Variants in KIF4A observed in about 807,000 individuals in gnomAD.
KIF4A encodes kinesin family member 4A.
KIF4A carries 7 observed loss-of-function variants against 105.9 expected under a neutral mutation model. That is an observed-to-expected ratio of 0.07 (90% CI 0.04 to 0.12). The LOEUF (loss-of-function observed/expected upper bound fraction) is 0.12. Among genes scored for constraint, KIF4A ranks in the 10% least tolerant of loss-of-function variants. The probability of loss-of-function intolerance (pLI) is 1.00; values close to 1 mark genes in which losing one functional copy is unlikely to be tolerated. For missense variants in KIF4A, 558 were observed against 929.2 expected, an observed-to-expected ratio of 0.60 and a Z score of 5.19; for synonymous variants, 281 against 331.3, an observed-to-expected ratio of 0.85 and a Z score of 1.65.
At chrX:70,295,296 C>A (rs2085777387) in intron 3 of KIF4A, among the ~76,000 whole-genome samples, 1 of 109,914 alleles carries the variant, frequency 9.1e-6, no homozygotes, top group African/African-American at 3.3e-5. Context: ...CTGCCTCAGC[C>A]TCCCGAGTAG....
chrX:70,409,795 A>C (rs1461031317), intron 28 of KIF4A, among the ~76,000 whole-genome samples: 1 of 81,909 alleles, frequency 1.2e-5, no homozygotes, highest in African/African-American at 4.6e-5. Context: ...AGACTGTCTC[A>C]AAAAAAAAAA....
chrX:70,387,137 T>A (rs1245846770), intron 19 of KIF4A, 47 bp from the exon 20 acceptor site: 1 of 888,196 alleles, frequency 1.1e-6, no homozygotes, highest in Admixed American at 3.1e-5. Flanking sequence ...ATTGGATTTT[T>A]TTTTTTTACC....
At chrX:70,375,392 A>C in intron 17 of KIF4A, 44 bp downstream of exon 17, 1 of 1,146,369 alleles carries the variant, frequency 8.7e-7, no homozygotes, top group Non-Finnish European at 1.2e-6. Flanking sequence ...TGGAATTTAC[A>C]AACATAGGTA....
At chrX:70,359,992 G>A (rs1476287368) in intron 15 of KIF4A, among the ~76,000 whole-genome samples, 1 of 111,351 alleles carries the variant, frequency 9.0e-6, no homozygotes, top group African/African-American at 3.3e-5. Flanking sequence ...AGGTGCTTGG[G>A]CTGGGGTCCT....
intron 2 of KIF4A, 46 bp downstream of exon 2, chrX:70,290,624 A>G (rs1408419482): frequency 8.3e-7 from 1 of 1,207,813 alleles, no homozygotes; most frequent in Non-Finnish European, 1.1e-6. Context: ...CTGGGGCCAA[A>G]TGGTAACGAG....
intron 3 of KIF4A, among the ~76,000 whole-genome samples, chrX:70,293,070 C>T (rs2085767363): frequency 8.9e-6 from 1 of 112,018 alleles, no homozygotes; most frequent in South Asian, 3.7e-4. Flanking sequence ...TGTGGTATTG[C>T]AGAAAATTAT....
chrX:70,328,611 G>A (rs1194506055), intron 7 of KIF4A, among the ~76,000 whole-genome samples: 1 of 111,717 alleles, frequency 9.0e-6, no homozygotes, highest in African/African-American at 3.3e-5. Flanking sequence ...CAATAAGGTA[G>A]GTAGATTTGC....
chrX:70,368,642 G>A (rs2147715758), intron 15 of KIF4A, among the ~76,000 whole-genome samples: 1 of 111,913 alleles, frequency 8.9e-6, no homozygotes, highest in South Asian at 3.8e-4. Flanking sequence ...GGCCGTGTGA[G>A]GTGTCAGTCT....
In KIF4A at chrX:70,329,449, A is replaced by G. The variant is rs1164009052; in HGVS notation, c.823A>G (p.Ser275Gly). 5 of 1,211,404 alleles carry G rather than the reference A, an allele frequency of 4.1e-6. No homozygotes were observed. Among genetic ancestry groups the G allele is most frequent in the Non-Finnish European group, 5.6e-6 (5 of 895,227 alleles). ...RGLLCLGNVI[S>G]ALGDDKKGGF... ...CCTCCTATGCTTGGGAAATGTAATC[A>G]GTGCTCTTGGAGATGACAAAAAGGG... is the stretch of plus-strand genomic sequence containing the variant. The change falls in exon 8 of 31, where the codon AGT (serine) becomes GGT (glycine). Residue 275 changes from serine to glycine, a missense_variant. This residue lies in a region of KIF4A where 89 missense variants were observed against 248.8 expected (regional missense o/e 0.36). Coordinates refer to ENST00000374403, the MANE Select transcript of KIF4A (RefSeq NM_012310.5).
intron 18 of KIF4A, among the ~76,000 whole-genome samples, chrX:70,378,793 T>C (rs1366868511): frequency 4.6e-5 from 5 of 109,236 alleles, no homozygotes; most frequent in Admixed American, 2.0e-4. Context: ...GGAAAATCAT[T>C]GAAACCAAAA....
At chrX:70,337,686 CAAAA>C (rs772045356) in intron 10 of KIF4A, among the ~76,000 whole-genome samples, 7 of 111,256 alleles carry the variant, frequency 6.3e-5, no homozygotes, top group Non-Finnish European at 1.9e-5. Flanking sequence ...AACAAACAAA[CAAAA>C]AACACACACA....
intron 7 of KIF4A, among the ~76,000 whole-genome samples, chrX:70,320,270 T>G (rs1227946462): frequency 8.9e-6 from 1 of 111,948 alleles, no homozygotes; most frequent in Non-Finnish European, 1.9e-5. Context: ...CCTGCACATC[T>G]GAACTGTAGC....
intron 14 of KIF4A, among the ~76,000 whole-genome samples, chrX:70,353,381 A>G (rs1012132565): frequency 8.9e-6 from 1 of 112,256 alleles, no homozygotes; most frequent in Admixed American, 9.5e-5. Context: ...GAAAGAGCAA[A>G]GAAAGTTAGT....
At chrX:70,350,302 C>T (rs1413969300) in intron 13 of KIF4A, among the ~76,000 whole-genome samples, 15 of 111,580 alleles carry the variant, frequency 1.3e-4, no homozygotes, top group Non-Finnish European at 2.3e-4. Context: ...CTGGTCAACA[C>T]GGCGAAACCC....
At chrX:70,310,849 G>T (rs2085846774) in intron 7 of KIF4A, among the ~76,000 whole-genome samples, 1 of 111,423 alleles carries the variant, frequency 9.0e-6, no homozygotes, top group Admixed American at 9.6e-5. Context: ...ATTTTGGCCA[G>T]TCACAGAGGC....
intron 20 of KIF4A, 60 bp from the exon 21 acceptor site, chrX:70,395,611 C>T: frequency 1.7e-6 from 2 of 1,185,805 alleles, no homozygotes; most frequent in Non-Finnish European, 2.3e-6. Flanking sequence ...GGAGCTGAAT[C>T]TAGCCCATGA....
chrX:70,295,615 A>G (rs1449459255), intron 3 of KIF4A, among the ~76,000 whole-genome samples: 1 of 111,041 alleles, frequency 9.0e-6, no homozygotes, highest in African/African-American at 3.3e-5. Context: ...AAAAGAAAAC[A>G]CAAAAAATTT....
At chrX:70,404,926 A>T in intron 25 of KIF4A, 104 bp downstream of exon 25, 1 of 520,027 alleles carries the variant, frequency 1.9e-6, no homozygotes, top group Non-Finnish European at 3.2e-6. Flanking sequence ...TAACTACTGG[A>T]AAAAGTATTT....
intron 14 of KIF4A, among the ~76,000 whole-genome samples, chrX:70,353,021 A>T (rs1195175323): frequency 8.9e-6 from 1 of 112,295 alleles, no homozygotes; most frequent in Non-Finnish European, 1.9e-5. Context: ...TTAGAGGAGA[A>T]ACAGAAGAGA....
Sources: allele counts gnomAD v4.1 joint callset (sites outside exome capture counted in the v4.1 genomes callset), GRCh38; gene constraint gnomAD v4.1.1; regional missense constraint gnomAD v4.1.1; transcripts MANE v1.5; gene names NCBI Gene and HGNC (gene_info 2026-07-23, HGNC 2026-07-21).